Variants in SFMBT2 observed in about 807,000 individuals in gnomAD.
SFMBT2 encodes the protein Scm like with four mbt domains 2.
SFMBT2 carries 38 observed loss-of-function variants against 110.1 expected under a neutral mutation model. The ratio of observed to expected loss-of-function variants is 0.35; its 90% CI spans 0.27 to 0.45. The LOEUF is 0.45. SFMBT2 is among the 20% of genes least tolerant of loss of function. SFMBT2 has a pLI of 1.00. For synonymous variants in SFMBT2, 425 were observed against 425.4 expected (o/e 1.00, Z 0.01); for missense variants, 1,011 against 1,094.9 (o/e 0.92, Z 1.08).
chr10:7,309,927 T>G (rs1036799909), intron 4 of SFMBT2, among the ~76,000 whole-genome samples: 1 of 151,192 alleles, frequency 6.6e-6, no homozygotes, highest in Non-Finnish European at 1.5e-5. Flanking sequence ...AGACCAGGGT[T>G]TTTTAATAGT....
chr10:7,262,678 G>A (rs1841244630), intron 7 of SFMBT2, among the ~76,000 whole-genome samples: 2 of 152,228 alleles, frequency 1.3e-5, no homozygotes, highest in Admixed American at 6.5e-5. Context: ...GCAGACAGCG[G>A]AGCTCAGGCC....
intron 6 of SFMBT2, among the ~76,000 whole-genome samples, chr10:7,283,361 T>C (rs189126665): frequency 2.6e-5 from 4 of 152,336 alleles, no homozygotes; most frequent in Non-Finnish European, 4.4e-5. Context: ...ATCTACTCAA[T>C]GCTGCTTCTT....
chr10:7,399,486 C>A (rs374339553), intron 1 of SFMBT2, among the ~76,000 whole-genome samples: 1 of 152,210 alleles, frequency 6.6e-6, no homozygotes. Context: ...CCTGCCTCAG[C>A]CTCCCAAAGT....
chr10:7,184,242 A>C (rs992116729), intron 16 of SFMBT2, among the ~76,000 whole-genome samples: 31 of 152,184 alleles, frequency 2.0e-4, no homozygotes, highest in African/African-American at 7.2e-4. Flanking sequence ...TGTAGCTCCC[A>C]TAATTCTCAA....
intron 4 of SFMBT2, among the ~76,000 whole-genome samples, chr10:7,341,730 C>A (rs1843910506): frequency 6.6e-6 from 1 of 152,138 alleles, no homozygotes. Context: ...GAAATGATGT[C>A]TAAGAGTTCC....
intron 4 of SFMBT2, chr10:7,348,289 A>G: frequency 6.6e-7 from 1 of 1,523,772 alleles, no homozygotes; most frequent in Admixed American, 2.2e-5. Flanking sequence ...ATCCTTTTCT[A>G]AGAAATATGT....
intron 7 of SFMBT2, among the ~76,000 whole-genome samples, chr10:7,254,505 A>C (rs749776427): frequency 2.2e-4 from 33 of 152,186 alleles, no homozygotes; most frequent in Non-Finnish European, 2.9e-5. Context: ...TGGAAGACGA[A>C]AATCATGTGA....
intron 16 of SFMBT2, among the ~76,000 whole-genome samples, chr10:7,181,437 T>C (rs1323077288): frequency 1.3e-5 from 2 of 152,112 alleles, no homozygotes; most frequent in African/African-American, 4.8e-5. Context: ...TATTTGGGGG[T>C]GACGGGGCAT....
intron 16 of SFMBT2, chr10:7,176,386 T>C: frequency 1.3e-6 from 1 of 784,070 alleles, no homozygotes; most frequent in Non-Finnish European, 1.5e-6. Context: ...CAGAATCCAC[T>C]TCCATAAACA....
At chr10:7,329,495 GC>G (rs1843501578) in intron 4 of SFMBT2, 1 of 985,386 alleles carries the variant, frequency 1.0e-6, no homozygotes, top group Non-Finnish European at 1.2e-6. Context: ...AAGAGCATGA[GC>G]TGGAGGGAGA....
intron 4 of SFMBT2, among the ~76,000 whole-genome samples, chr10:7,346,469 T>A (rs953788447): frequency 6.6e-6 from 1 of 152,170 alleles, no homozygotes; most frequent in African/African-American, 2.4e-5. Flanking sequence ...GTAACATCCA[T>A]CTCTTTAAAC....
chr10:7,381,070 CACATACATACATACATACATACAT>C (rs34216043), intron 2 of SFMBT2, among the ~76,000 whole-genome samples: 1 of 149,386 alleles, frequency 6.7e-6, no homozygotes, highest in African/African-American at 2.5e-5. Flanking sequence ...CACACATACA[CACATACATACATACATACATACAT>C]ACATACATAC....
At chr10:7,178,422 A>G (rs1176297756) in intron 16 of SFMBT2, among the ~76,000 whole-genome samples, 14 of 152,218 alleles carry the variant, frequency 9.2e-5, no homozygotes, top group Non-Finnish European at 1.9e-4. Flanking sequence ...CTGATTTTAT[A>G]TATGGGAATC....
At chr10:7,409,247 A>G (rs1273109193) in intron 1 of SFMBT2, 3 of 152,052 alleles carry the variant, frequency 2.0e-5, no homozygotes, top group Non-Finnish European at 4.4e-5. Flanking sequence ...GCCCGATTGC[A>G]CCCAATACCC....
At chr10:7,405,932 C>T (rs1043866250) in intron 1 of SFMBT2, among the ~76,000 whole-genome samples, 2 of 149,156 alleles carry the variant, frequency 1.3e-5, no homozygotes, top group African/African-American at 2.5e-5. Context: ...TTTGTTGTGA[C>T]GCATAATTTC....
At chr10:7,215,688 T>G (rs1588347610) in intron 11 of SFMBT2, 2 of 985,402 alleles carry the variant, frequency 2.0e-6, no homozygotes, top group Non-Finnish European at 2.4e-6. Context: ...CCGCTGCAGG[T>G]GCCAGAGGGC....
intron 11 of SFMBT2, 58 bp from the exon 12 acceptor site, chr10:7,205,986 G>A: frequency 6.2e-7 from 1 of 1,601,888 alleles, no homozygotes; most frequent in Middle Eastern, 1.7e-4. Context: ...CAAAGAAATA[G>A]AAGGACAACA....
intron 12 of SFMBT2, 123 bp from the exon 13 acceptor site, chr10:7,202,645 T>G (rs1367029281): frequency 6.4e-7 from 1 of 1,553,914 alleles, no homozygotes; most frequent in Non-Finnish European, 8.7e-7. Context: ...TGCTGAAAAG[T>G]TACGTCATTC....
At chr10:7,220,667 G>C in intron 10 of SFMBT2, 130 bp from the exon 11 acceptor site, 1 of 931,588 alleles carries the variant, frequency 1.1e-6, no homozygotes, top group East Asian at 2.5e-5. Context: ...GTATGTGTTT[G>C]TCCTTCCCAC....
Sources: allele counts gnomAD v4.1 joint callset (sites outside exome capture counted in the v4.1 genomes callset), GRCh38; gene constraint gnomAD v4.1.1; transcripts MANE v1.5; gene names NCBI Gene and HGNC (gene_info 2026-07-23, HGNC 2026-07-21).